CACNA1E: variants seen among roughly 807,000 people sequenced by gnomAD.
CACNA1E encodes the protein voltage-dependent R-type calcium channel subunit alpha-1E.
A neutral mutation model predicts 259.2 loss-of-function variants in CACNA1E; 40 were observed. That is an observed-to-expected ratio of 0.15 (90% CI 0.12 to 0.20). CACNA1E has a LOEUF of 0.20. Among genes scored for constraint, CACNA1E ranks in the 10% least tolerant of loss-of-function variants. CACNA1E has a pLI of 1.00. For synonymous variants in CACNA1E, 1,104 were observed against 1,138.5 expected, an observed-to-expected ratio of 0.97 and a Z score of 0.61; for missense variants, 1,874 against 3,040.1, an observed-to-expected ratio of 0.62 and a Z score of 9.02.
chr1:181,647,696 G>A (rs1658410810), intron 6 of CACNA1E, among the ~76,000 whole-genome samples: 2 of 152,198 alleles, frequency 1.3e-5, no homozygotes, highest in South Asian at 2.1e-4. Context: ...TGAATCAGAA[G>A]GAGATTGAAG....
chr1:181,494,430 C>G (rs1374578834), intron 1 of CACNA1E, among the ~76,000 whole-genome samples: 1 of 151,262 alleles, frequency 6.6e-6, no homozygotes, highest in Non-Finnish European at 1.5e-5. Flanking sequence ...TTCTCTCACT[C>G]TGTTCTCATT....
intron 35 of CACNA1E, among the ~76,000 whole-genome samples, chr1:181,770,479 G>A (rs1280385747): frequency 6.6e-6 from 1 of 152,168 alleles, no homozygotes; most frequent in African/African-American, 2.4e-5. Flanking sequence ...AAGCTCAGTA[G>A]CCAGCAGCAG....
intron 2 of CACNA1E, among the ~76,000 whole-genome samples, chr1:181,425,215 C>G (rs191597489): frequency 6.2e-4 from 95 of 152,280 alleles, no homozygotes; most frequent in African/African-American, 2.1e-3. Flanking sequence ...GGTCAGCACT[C>G]ACATCACAAG....
chr1:181,796,905 G>C, intron 47 of CACNA1E, 47 bp downstream of exon 47: 3 of 1,398,550 alleles, frequency 2.1e-6, no homozygotes, highest in Non-Finnish European at 2.9e-6. Flanking sequence ...ACAGGGGAGG[G>C]TGGGCTGTAT....
At chr1:181,640,798 C>A (rs1572459153) in intron 6 of CACNA1E, among the ~76,000 whole-genome samples, 1 of 152,178 alleles carries the variant, frequency 6.6e-6, no homozygotes, top group African/African-American at 2.4e-5. Flanking sequence ...CAGAAGAATG[C>A]CAGCAGGTTT....
At chr1:181,428,830 A>T (rs1272616971) in intron 2 of CACNA1E, among the ~76,000 whole-genome samples, 1 of 152,194 alleles carries the variant, frequency 6.6e-6, no homozygotes, top group Non-Finnish European at 1.5e-5. Flanking sequence ...TGGAAAGGAT[A>T]TCATTAAATC....
At chr1:181,423,695 G>T (rs1658940248) in intron 2 of CACNA1E, among the ~76,000 whole-genome samples, 1 of 122,188 alleles carries the variant, frequency 8.2e-6, no homozygotes, top group Non-Finnish European at 1.7e-5. Flanking sequence ...CTTTTGAAAG[G>T]CGGCCAGCCT....
rs567364331 is a variant in CACNA1E at position 181,797,521 on chromosome 1, T to C, written c.6399+663T>C. Among the ~76,000 whole-genome samples, 4 of 152,298 alleles carry C rather than the reference T, an allele frequency of 2.6e-5. No individual in the cohort carries two copies. The South Asian group carries it at 8.3e-4, about 32-fold the overall frequency. On this transcript the variant is annotated intron_variant, in intron 47 of 47. Transcript: ENST00000367573. ...GACACAGCAGTCGAGAGGTTTCCCT[T>C]CTAGAACAACAGTTTTCAAATTTTA...
chr1:181,374,546 G>A (rs551746358), intron 1 of CACNA1E, among the ~76,000 whole-genome samples: 9 of 152,158 alleles, frequency 5.9e-5, no homozygotes, highest in East Asian at 3.9e-4. Flanking sequence ...AACTGCAGCC[G>A]TGGATTCCTG....
chr1:181,433,896 T>C (rs551136135), intron 2 of CACNA1E, among the ~76,000 whole-genome samples: 1 of 152,254 alleles, frequency 6.6e-6, no homozygotes, highest in Non-Finnish European at 1.5e-5. Flanking sequence ...TCTGCCCTGC[T>C]TCTCATTCCT....
rs1173058023 is a variant in CACNA1E at position 181,806,198 on chromosome 1, T to C, written c.*7364T>C. 2 of 152,234 alleles carry C rather than the reference T, an allele frequency of 1.3e-5. No individual in the cohort carries two copies. Among genetic ancestry groups the C allele is most frequent in the Non-Finnish European group, 2.9e-5 (2 of 68,046 alleles). 9.4% of individuals were successfully genotyped at this position (152,234 alleles called of 1,614,324 possible). A position where few individuals can be genotyped will look rare whatever the true frequency, so the allele number is the denominator to read the frequency against. ...CCAATAAAGGAGAGATTATGTTAAC[T>C]TCCTAGTGGTGAGAATACCATGGGA... On this transcript the variant is annotated 3_prime_UTR_variant, in exon 48 of 48. Coordinates refer to ENST00000367573, the MANE Select transcript of CACNA1E (RefSeq NM_001205293.3).
At position 181,739,080 on chromosome 1, in the gene CACNA1E, A is replaced by G. The variant is rs1656324188; in HGVS notation, c.3613-67A>G. ...GGCAGTGGGGGCACTGCCATGATGA[A>G]CAGAGCTCAGGTCAAGTGTTGCCCA... On this transcript the variant is annotated intron_variant, in intron 24 of 47. Transcript: ENST00000367573. 3.2e-6 allele frequency: 3 copies of G among 936,548 alleles called. No individual in the cohort carries two copies. The Middle Eastern group carries it at 6.4e-4, about 200-fold the overall frequency. The allele number at this position is 936,548 out of a possible 1,614,324, so 58.0% of individuals were successfully genotyped here. A position where few individuals can be genotyped will look rare whatever the true frequency, so the allele number is the denominator to read the frequency against.
At chr1:181,523,647 A>T (rs1667147659) in intron 3 of CACNA1E, among the ~76,000 whole-genome samples, 1 of 152,236 alleles carries the variant, frequency 6.6e-6, no homozygotes, top group African/African-American at 2.4e-5. Flanking sequence ...AAGGGGCTAT[A>T]GTAATTGAAA....
chr1:181,516,062 T>G (rs1666560383), intron 3 of CACNA1E, among the ~76,000 whole-genome samples: 1 of 152,114 alleles, frequency 6.6e-6, no homozygotes. Flanking sequence ...GTCATTCTAT[T>G]AGGAAAATGA....
chr1:181,678,375 A>C (rs1438753065), intron 7 of CACNA1E, among the ~76,000 whole-genome samples: 2 of 152,236 alleles, frequency 1.3e-5, no homozygotes, highest in East Asian at 3.8e-4. Flanking sequence ...AAACAAAGTC[A>C]CCATTCACCT....
intron 7 of CACNA1E, among the ~76,000 whole-genome samples, chr1:181,656,974 G>A (rs1659257788): frequency 6.6e-6 from 1 of 152,206 alleles, no homozygotes; most frequent in Middle Eastern, 3.4e-3. Flanking sequence ...ACACATTCTG[G>A]TGTTCACACA....
At chr1:181,750,685 G>T (rs1203058544) in intron 26 of CACNA1E, among the ~76,000 whole-genome samples, 198 bp downstream of exon 26, 1 of 152,132 alleles carries the variant, frequency 6.6e-6, no homozygotes, top group Non-Finnish European at 1.5e-5. Context: ...TATGTATTCG[G>T]CTCATATGTT....
At chr1:181,677,903 T>A (rs961327390) in intron 7 of CACNA1E, among the ~76,000 whole-genome samples, 4 of 152,096 alleles carry the variant, frequency 2.6e-5, no homozygotes, top group Admixed American at 2.0e-4. Context: ...AAAAACGATA[T>A]TGAATATGAG....
chr1:181,359,025 G>A (rs1393769686), intron 1 of CACNA1E, among the ~76,000 whole-genome samples: 1 of 152,150 alleles, frequency 6.6e-6, no homozygotes, highest in African/African-American at 2.4e-5. Context: ...TTTGATCAGT[G>A]GCTTAGCCAC....
Sources: allele counts gnomAD v4.1 joint callset (sites outside exome capture counted in the v4.1 genomes callset), GRCh38; gene constraint gnomAD v4.1.1; transcripts MANE v1.5; gene names NCBI Gene and HGNC (gene_info 2026-07-23, HGNC 2026-07-21).